GHR: variants seen among roughly 807,000 people sequenced by gnomAD.
The protein encoded by GHR is GH receptor.
Under a neutral mutation model 67.1 loss-of-function variants are expected in GHR, and 35 were observed. That is an observed-to-expected ratio of 0.52 (90% confidence interval 0.40 to 0.69). GHR has a LOEUF of 0.69. Ranked by LOEUF, GHR falls within the 30% of genes least tolerant of loss-of-function variation. GHR has a pLI of 0.00. For missense variants in GHR, 792 were observed against 764.6 expected, an observed-to-expected ratio of 1.04 and a Z score of -0.42; for synonymous variants, 272 against 269.1, an observed-to-expected ratio of 1.01 and a Z score of -0.10.
At chr5:42,506,130 C>T (rs1746767547) in intron 1 of GHR, among the ~76,000 whole-genome samples, 1 of 152,156 alleles carries the variant, frequency 6.6e-6, no homozygotes, top group Non-Finnish European at 1.5e-5. Flanking sequence ...ATGCTGCATA[C>T]TCAGTGAGAC....
chr5:42,610,356 C>A (rs892677763), intron 2 of GHR, among the ~76,000 whole-genome samples: 6 of 152,138 alleles, frequency 3.9e-5, no homozygotes, highest in Non-Finnish European at 8.8e-5. Context: ...ACATGTACTC[C>A]ACTCTAAGAA....
intron 1 of GHR, among the ~76,000 whole-genome samples, chr5:42,501,266 A>T (rs962070736): frequency 6.6e-6 from 1 of 152,232 alleles, no homozygotes; most frequent in Non-Finnish European, 1.5e-5. Flanking sequence ...AATAATGATT[A>T]TAAAGAAGTG....
chr5:42,708,536 GTAAA>G (rs1445756423), intron 6 of GHR, among the ~76,000 whole-genome samples: 3 of 151,980 alleles, frequency 2.0e-5, no homozygotes, highest in Non-Finnish European at 4.4e-5. Context: ...TTCTAATACT[GTAAA>G]TAGTGATAGG....
chr5:42,545,496 T>G (rs1329242739), intron 1 of GHR, among the ~76,000 whole-genome samples: 1 of 152,208 alleles, frequency 6.6e-6, no homozygotes, highest in Non-Finnish European at 1.5e-5. Flanking sequence ...GATTTCTACA[T>G]AAGCAAGTAT....
chr5:42,720,177 A>G lies in GHR; in HGVS notation c.*753A>G, dbSNP rs916740632. 6.6e-6 allele frequency: 1 copy of G among 152,346 alleles called. No individual in the cohort carries two copies. The highest frequency in any genetic ancestry group is 1.5e-5 in the Non-Finnish European group (1 of 68,124). The allele number at this position is 152,346 out of a possible 1,614,324, so 9.4% of individuals were successfully genotyped here. On this transcript the variant is annotated 3_prime_UTR_variant, in exon 10 of 10. Transcript: ENST00000230882. The stretch of plus-strand genomic sequence containing the variant: ...CCTTCAACAATTCTAAAATGATTGT[A>G]GTAATCTGCATTATTGGAATATAAT...
chr5:42,567,077 A>G (rs1749984788), intron 2 of GHR, among the ~76,000 whole-genome samples: 2 of 152,200 alleles, frequency 1.3e-5, no homozygotes, highest in African/African-American at 4.8e-5. Flanking sequence ...AGAGAATTGC[A>G]GGCTCCATTT....
chr5:42,606,716 C>T (rs1030093087), intron 2 of GHR, among the ~76,000 whole-genome samples: 2 of 152,144 alleles, frequency 1.3e-5, no homozygotes, highest in African/African-American at 2.4e-5. Flanking sequence ...GCATCAAAAT[C>T]GGGCTCCCAG....
At chr5:42,547,705 A>G (rs1748801835) in intron 1 of GHR, among the ~76,000 whole-genome samples, 1 of 152,194 alleles carries the variant, frequency 6.6e-6, no homozygotes, top group Admixed American at 6.5e-5. Context: ...CTAAATTAAG[A>G]TGCAGGAATT....
chr5:42,435,946 A>G (rs976603762), intron 1 of GHR, among the ~76,000 whole-genome samples: 32 of 152,228 alleles, frequency 2.1e-4, no homozygotes, highest in African/African-American at 5.8e-4. Flanking sequence ...CACAGCAACA[A>G]GAACAAAGTT....
intron 1 of GHR, among the ~76,000 whole-genome samples, chr5:42,501,546 G>A (rs1015618549): frequency 2.0e-5 from 3 of 152,074 alleles, no homozygotes; most frequent in African/African-American, 7.2e-5. Flanking sequence ...ATGCACTGTT[G>A]ACATTTTGGG....
In GHR at chr5:42,719,441, C is replaced by A; in HGVS notation, c.*17C>A. The A allele has an allele frequency of 6.2e-7, 1 of 1,607,186 alleles. No individual in the cohort carries two copies. The highest frequency in any genetic ancestry group is 1.1e-5 in the South Asian group (1 of 90,876). On this transcript the variant is annotated 3_prime_UTR_variant, in exon 10 of 10. Coordinates refer to ENST00000230882, the MANE Select transcript of GHR (RefSeq NM_000163.5). ...ATGCCTTAGCCTTTCTTTGGTTTCC[C>A]AAGAGCTACGTATTTAATAGCAAAG... is the stretch of plus-strand genomic sequence containing the variant.
At chr5:42,525,484 T>G (rs2112320440) in intron 1 of GHR, among the ~76,000 whole-genome samples, 1 of 152,360 alleles carries the variant, frequency 6.6e-6, no homozygotes, top group African/African-American at 2.4e-5. Context: ...TTTTACAGGC[T>G]TATAGGCAGA....
intron 2 of GHR, among the ~76,000 whole-genome samples, chr5:42,588,239 G>T (rs889362859): frequency 6.6e-6 from 1 of 152,012 alleles, no homozygotes; most frequent in Non-Finnish European, 1.5e-5. Flanking sequence ...TATACTTTTG[G>T]CTGGGAGCTG....
intron 1 of GHR, among the ~76,000 whole-genome samples, chr5:42,540,690 T>C (rs1748468565): frequency 6.8e-6 from 1 of 147,086 alleles, no homozygotes; most frequent in Non-Finnish European, 1.5e-5. Flanking sequence ...ATCCCCTCTA[T>C]CCACCACCGC....
chr5:42,463,716 G>C lies in GHR; in HGVS notation c.-12+39761G>C, dbSNP rs537671460. Among the ~76,000 whole-genome samples the C allele has an allele frequency of 2.4e-3, 363 of 152,134 alleles. 4 individuals are homozygous for C. The highest frequency in any genetic ancestry group is 6.2e-4 in the Non-Finnish European group (42 of 68,000). On this transcript the variant is annotated intron_variant, in intron 1 of 9. Coordinates refer to ENST00000230882, the MANE Select transcript of GHR (RefSeq NM_000163.5). The stretch of plus-strand genomic sequence containing the variant: ...TACCTTAGAAATAATTTAGTGGGCC[G>C]GGCGCGGTGGCTCACGCCTGTAATC...
At position 42,489,581 on chromosome 5, in the gene GHR, A is replaced by T. The variant is rs544493611; in HGVS notation, c.-12+65626A>T. On this transcript the variant is annotated intron_variant, in intron 1 of 9. Transcript: ENST00000230882. ...GCAGCATATTTTTGGAAATGCAACA[A>T]CTACAAAAGAATTTTTAAGTTATTA... Among the ~76,000 whole-genome samples, 121 of 152,310 alleles carry T rather than the reference A, an allele frequency of 7.9e-4. No individual in the cohort carries two copies. The Middle Eastern group carries it at 0.017, about 21-fold the overall frequency.
chr5:42,431,649 T>C (rs1193124989), intron 1 of GHR, among the ~76,000 whole-genome samples: 1 of 152,214 alleles, frequency 6.6e-6, no homozygotes, highest in Non-Finnish European at 1.5e-5. Flanking sequence ...TCTTCTTTTG[T>C]TGTTGATAAG....
chr5:42,711,451 G>C (rs529559248), intron 7 of GHR, 79 bp downstream of exon 7: 52 of 970,162 alleles, frequency 5.4e-5, no homozygotes, highest in Middle Eastern at 2.1e-4. Context: ...TGCACTGGTA[G>C]TGTGTTGTCC....
chr5:42,652,407 G>C (rs375463809), intron 3 of GHR, among the ~76,000 whole-genome samples: 4 of 152,082 alleles, frequency 2.6e-5, no homozygotes, highest in Non-Finnish European at 5.9e-5. Context: ...TGATTTCATT[G>C]ACCTGAAGTG....
Sources: allele counts gnomAD v4.1 joint callset (sites outside exome capture counted in the v4.1 genomes callset), GRCh38; gene constraint gnomAD v4.1.1; transcripts MANE v1.5; gene names NCBI Gene and HGNC (gene_info 2026-07-23, HGNC 2026-07-21).